PIAS2: variants seen among roughly 807,000 people sequenced by gnomAD.
PIAS2 encodes the protein protein inhibitor of activated STAT 2.
PIAS2 carries 19 observed loss-of-function variants against 69.7 expected under a neutral mutation model. The observed-to-expected ratio is 0.27, with a 90% CI of 0.19 to 0.40. PIAS2 has a LOEUF of 0.40. Ranked by LOEUF, PIAS2 falls within the 10% of genes least tolerant of loss-of-function variation. The pLI is 1.00. For synonymous variants in PIAS2, 261 were observed against 263.2 expected, an observed-to-expected ratio of 0.99 and a Z score of 0.08; for missense variants, 624 against 757.0, an observed-to-expected ratio of 0.82 and a Z score of 2.06.
At chr18:46,843,945 AG>A in intron 8 of PIAS2, 108 bp downstream of exon 8, 1 of 612,360 alleles carries the variant, frequency 1.6e-6, no homozygotes. Context: ...AAAAGACAAA[AG>A]TTCAGCATTC....
At chr18:46,877,041 AG>A (rs904941601) in intron 2 of PIAS2, among the ~76,000 whole-genome samples, 135 of 152,332 alleles carry the variant, frequency 8.9e-4, no homozygotes, top group African/African-American at 3.2e-3. Context: ...GCAAATGGAA[AG>A]GACTTATGTC....
intron 2 of PIAS2, among the ~76,000 whole-genome samples, chr18:46,888,090 A>C (rs1206586075): frequency 1.3e-5 from 2 of 152,168 alleles, no homozygotes; most frequent in Non-Finnish European, 2.9e-5. Context: ...TGAAAAGGAA[A>C]TTATGTAGTT....
chr18:46,854,437 C>G (rs1320273676), intron 5 of PIAS2, among the ~76,000 whole-genome samples: 1 of 152,204 alleles, frequency 6.6e-6, no homozygotes, highest in Non-Finnish European at 1.5e-5. Flanking sequence ...ACACCTCCAA[C>G]TTTGTAGTGC....
chr18:46,831,921 C>T (rs2043683127), intron 9 of PIAS2, among the ~76,000 whole-genome samples: 1 of 152,130 alleles, frequency 6.6e-6, no homozygotes, highest in South Asian at 2.1e-4. Context: ...ATACCAAAAG[C>T]ACAATCTTTC....
intron 8 of PIAS2, among the ~76,000 whole-genome samples, chr18:46,841,756 G>A (rs1348880970): frequency 6.6e-6 from 1 of 152,110 alleles, no homozygotes; most frequent in Non-Finnish European, 1.5e-5. Context: ...TCTGAGCAGA[G>A]AGAAAAAAAC....
At chr18:46,899,811 G>C (rs2055508656) in intron 1 of PIAS2, among the ~76,000 whole-genome samples, 1 of 151,704 alleles carries the variant, frequency 6.6e-6, no homozygotes, top group Non-Finnish European at 1.5e-5. Context: ...ACAAATGTGG[G>C]GAGGGAGGTA....
At chr18:46,918,698 A>G (rs2058294905), upstream of PIAS2, among the ~76,000 whole-genome samples, 1 of 152,164 alleles carries the variant, frequency 6.6e-6, no homozygotes, top group South Asian at 2.1e-4. Context: ...CTGAGATTAC[A>G]GGCGTGAGCC....
At chr18:46,873,231 G>T (rs940797944) in intron 2 of PIAS2, among the ~76,000 whole-genome samples, 5 of 152,208 alleles carry the variant, frequency 3.3e-5, no homozygotes, top group African/African-American at 1.2e-4. Flanking sequence ...AAAGTATGAT[G>T]CTATCTTACT....
intron 3 of PIAS2, among the ~76,000 whole-genome samples, chr18:46,856,450 C>G (rs180943542): frequency 3.3e-5 from 5 of 152,270 alleles, no homozygotes; most frequent in Non-Finnish European, 7.4e-5. Flanking sequence ...CATCTCCATA[C>G]CATGCAACTT....
chr18:46,832,412 T>A (rs763684550), intron 9 of PIAS2, among the ~76,000 whole-genome samples: 11 of 150,420 alleles, frequency 7.3e-5, no homozygotes, highest in Non-Finnish European at 1.3e-4. Flanking sequence ...CGAAACTCCA[T>A]CTCAAAACAA....
At chr18:46,866,869 C>G (rs1436981779) in intron 2 of PIAS2, among the ~76,000 whole-genome samples, 3 of 152,166 alleles carry the variant, frequency 2.0e-5, no homozygotes, top group Admixed American at 2.0e-4. Flanking sequence ...CAGCAGGTAT[C>G]TACACCTGTA....
At chr18:46,920,143 T>C (rs181486752), upstream of PIAS2, 54 of 1,221,068 alleles carry the variant, frequency 4.4e-5, 1 homozygote, top group East Asian at 2.1e-3. Flanking sequence ...TTGGGTAGGT[T>C]TGACTGCAAA....
At chr18:46,876,360 A>G (rs1027572369) in intron 2 of PIAS2, among the ~76,000 whole-genome samples, 13 of 152,240 alleles carry the variant, frequency 8.5e-5, no homozygotes, top group African/African-American at 3.1e-4. Context: ...GTTTGAGTCC[A>G]TACTATTCTG....
At chr18:46,913,193 T>C (rs1490304017) in intron 1 of PIAS2, among the ~76,000 whole-genome samples, 1 of 152,138 alleles carries the variant, frequency 6.6e-6, no homozygotes, top group Non-Finnish European at 1.5e-5. Flanking sequence ...AAATCCCCCA[T>C]TAACTTCCCA....
chr18:46,862,516 A>G (rs2048813801), intron 3 of PIAS2, among the ~76,000 whole-genome samples: 1 of 152,048 alleles, frequency 6.6e-6, no homozygotes, highest in African/African-American at 2.4e-5. Flanking sequence ...CCCCCCAAAA[A>G]TCATTAACCT....
At chr18:46,819,483 A>G (rs539031751) in intron 12 of PIAS2, among the ~76,000 whole-genome samples, 47 of 152,282 alleles carry the variant, frequency 3.1e-4, no homozygotes, top group Non-Finnish European at 5.9e-4. Context: ...TATGGATACT[A>G]TAAAATGTCT....
At chr18:46,920,003 A>C, upstream of PIAS2, 1 of 1,196,870 alleles carries the variant, frequency 8.4e-7, no homozygotes. Context: ...CATAAAGAGG[A>C]CCAACATAAA....
intron 2 of PIAS2, among the ~76,000 whole-genome samples, chr18:46,886,787 G>A (rs1056806067): frequency 1.3e-5 from 2 of 151,960 alleles, no homozygotes; most frequent in Non-Finnish European, 2.9e-5. Flanking sequence ...GCAGTGAGCC[G>A]AGACAGCGCC....
chr18:46,912,373 G>T (rs756994747), intron 1 of PIAS2, among the ~76,000 whole-genome samples: 67 of 152,140 alleles, frequency 4.4e-4, no homozygotes, highest in Non-Finnish European at 7.4e-4. Flanking sequence ...CTATGAAATG[G>T]TTGTTATACT....
Sources: gnomAD v4.1 joint callset for allele counts (sites outside exome capture counted in the v4.1 genomes callset) on GRCh38, gnomAD v4.1.1 for gene constraint, MANE v1.5 for transcripts, NCBI Gene and HGNC (gene_info 2026-07-23, HGNC 2026-07-21) for gene names.